PPARGC1A: variants seen among roughly 807,000 people sequenced by gnomAD.
The protein encoded by PPARGC1A is peroxisome proliferator-activated receptor gamma coactivator 1-alpha.
A neutral mutation model predicts 88.7 loss-of-function variants in PPARGC1A; 25 were observed. That is an observed-to-expected ratio of 0.28 (90% CI 0.21 to 0.39). PPARGC1A has a LOEUF of 0.39. Among genes scored for constraint, PPARGC1A ranks in the 10% least tolerant of loss-of-function variants. PPARGC1A has a pLI of 1.00. For synonymous variants in PPARGC1A, 363 were observed against 355.6 expected (o/e 1.02, Z -0.24); for missense variants, 880 against 968.7 (o/e 0.91, Z 1.22).
At chr4:24,300,309 TTTCTATACAATAGCA>T in the PPARGC1A span, among the ~76,000 whole-genome samples, 2 of 147,322 alleles carry the variant, frequency 1.4e-5, no homozygotes, top group Admixed American at 6.9e-5. Flanking sequence ...CAATGGTATT[TTTCTATACAATAGCA>T]TTTTTTTTTT....
At chr4:24,125,576 G>A in the PPARGC1A span, among the ~76,000 whole-genome samples, 3 of 152,060 alleles carry the variant, frequency 2.0e-5, no homozygotes, top group African/African-American at 7.2e-5. Flanking sequence ...CTCCTGCATT[G>A]TTTCTTTCTC....
chr4:24,265,443 G>A, the PPARGC1A span, among the ~76,000 whole-genome samples: 1 of 152,152 alleles, frequency 6.6e-6, no homozygotes, highest in African/African-American at 2.4e-5. Context: ...AATGAGTTTT[G>A]TTAATTCTTC....
the PPARGC1A span, among the ~76,000 whole-genome samples, chr4:24,003,047 C>T: frequency 2.0e-5 from 3 of 152,078 alleles, no homozygotes; most frequent in East Asian, 5.8e-4. Flanking sequence ...CTTTTATGAT[C>T]ACGAAAGGAA....
chr4:23,826,730 G>C (rs1339467726), intron 5 of PPARGC1A, among the ~76,000 whole-genome samples: 1 of 151,980 alleles, frequency 6.6e-6, no homozygotes, highest in Non-Finnish European at 1.5e-5. Context: ...TTTGTCAACA[G>C]GTTTTGTTCT....
At chr4:23,801,352 A>G (rs1287887745) in intron 12 of PPARGC1A, among the ~76,000 whole-genome samples, 1 of 150,944 alleles carries the variant, frequency 6.6e-6, no homozygotes. Flanking sequence ...TATTCACACA[A>G]CACACACAGA....
At chr4:24,228,541 T>C in the PPARGC1A span, among the ~76,000 whole-genome samples, 37 of 152,126 alleles carry the variant, frequency 2.4e-4, no homozygotes, top group South Asian at 7.3e-3. Flanking sequence ...AACTACTGGG[T>C]ACTATGCTCG....
chr4:24,057,521 A>G, the PPARGC1A span, among the ~76,000 whole-genome samples: 534 of 152,118 alleles, frequency 3.5e-3, 3 homozygotes, highest in Admixed American at 7.5e-3. Context: ...GACATAAATC[A>G]AAATGAAACA....
chr4:23,995,081 G>A, the PPARGC1A span, among the ~76,000 whole-genome samples: 3 of 152,110 alleles, frequency 2.0e-5, no homozygotes, highest in Non-Finnish European at 4.4e-5. Flanking sequence ...GTGGTGGCAA[G>A]TTCTAGTTAA....
At chr4:23,926,157 G>A in the PPARGC1A span, among the ~76,000 whole-genome samples, 1 of 152,014 alleles carries the variant, frequency 6.6e-6, no homozygotes, top group Non-Finnish European at 1.5e-5. Context: ...GCCTCTCATG[G>A]CTTTAACTGC....
At chr4:24,060,646 G>C in the PPARGC1A span, among the ~76,000 whole-genome samples, 1 of 152,176 alleles carries the variant, frequency 6.6e-6, no homozygotes, top group Non-Finnish European at 1.5e-5. Flanking sequence ...AATTTGAAGG[G>C]AGTGCTTTCT....
intron 2 of PPARGC1A, among the ~76,000 whole-genome samples, chr4:23,836,980 C>A (rs933777573): frequency 1.3e-5 from 2 of 152,122 alleles, no homozygotes; most frequent in African/African-American, 2.4e-5. Flanking sequence ...TAAATGCGAG[C>A]TATTATGAAA....
upstream of PPARGC1A, among the ~76,000 whole-genome samples, chr4:23,909,089 G>C (rs1447100294): frequency 6.6e-6 from 1 of 152,154 alleles, no homozygotes; most frequent in African/African-American, 2.4e-5. Context: ...AAGTGGTGGG[G>C]ATCAGCCAGG....
At chr4:24,067,965 A>G in the PPARGC1A span, among the ~76,000 whole-genome samples, 3 of 152,146 alleles carry the variant, frequency 2.0e-5, no homozygotes, top group African/African-American at 7.2e-5. Context: ...AGGGCAAAAC[A>G]GCTCCTGAAA....
chr4:24,461,040 CAGCCTCCCTAGT>C, the PPARGC1A span, among the ~76,000 whole-genome samples: 1 of 152,196 alleles, frequency 6.6e-6, no homozygotes, highest in South Asian at 2.1e-4. Context: ...CCTCCCGCCT[CAGCCTCCCTAGT>C]AGCTGAGACT....
the PPARGC1A span, among the ~76,000 whole-genome samples, chr4:24,425,726 C>A: frequency 6.6e-6 from 1 of 152,142 alleles, no homozygotes; most frequent in African/African-American, 2.4e-5. Flanking sequence ...ATTATTAAGA[C>A]CTTGATATCC....
chr4:24,202,888 C>A, the PPARGC1A span, among the ~76,000 whole-genome samples: 2 of 152,124 alleles, frequency 1.3e-5, no homozygotes, highest in Admixed American at 1.3e-4. Context: ...TGAAGCCATC[C>A]CCAGGACAAA....
the PPARGC1A span, among the ~76,000 whole-genome samples, chr4:24,326,320 A>G: frequency 5.3e-5 from 8 of 152,114 alleles, no homozygotes; most frequent in African/African-American, 1.9e-4. Flanking sequence ...TCTTAAAACC[A>G]GACAAGCCTT....
At chr4:23,826,950 A>C (rs1724070035) in intron 5 of PPARGC1A, among the ~76,000 whole-genome samples, 1 of 152,154 alleles carries the variant, frequency 6.6e-6, no homozygotes, top group Non-Finnish European at 1.5e-5. Context: ...AAATGCATGC[A>C]TGACCAGCAC....
chr4:24,403,884 A>G, the PPARGC1A span, among the ~76,000 whole-genome samples: 4 of 152,164 alleles, frequency 2.6e-5, no homozygotes, highest in African/African-American at 9.7e-5. Flanking sequence ...CAGCACAAAA[A>G]TTTGCCCACA....
Sources: allele counts gnomAD v4.1 joint callset (sites outside exome capture counted in the v4.1 genomes callset), GRCh38; gene constraint gnomAD v4.1.1; transcripts MANE v1.5; gene names NCBI Gene and HGNC (gene_info 2026-07-23, HGNC 2026-07-21).